Variants in LRRTM4 observed in about 807,000 individuals in gnomAD.
The protein encoded by LRRTM4 is leucine-rich repeat transmembrane neuronal protein 4.
LRRTM4 carries 25 observed loss-of-function variants against 47.6 expected under a neutral mutation model. The ratio of observed to expected loss-of-function variants is 0.53; its 90% confidence interval spans 0.38 to 0.73. LRRTM4 has a LOEUF of 0.73. Ranked by LOEUF, LRRTM4 falls within the 30% of genes least tolerant of loss-of-function variation. LRRTM4 has a pLI of 0.00. For missense variants in LRRTM4, 638 were observed against 713.4 expected (o/e 0.89, Z 1.20); for synonymous variants, 311 against 269.5 (o/e 1.15, Z -1.51).
chr2:76,774,897 T>G (rs1360448764), intron 3 of LRRTM4, among the ~76,000 whole-genome samples: 1 of 152,232 alleles, frequency 6.6e-6, no homozygotes, highest in Non-Finnish European at 1.5e-5. Context: ...GAAATCCTTT[T>G]GCCAGATTGT....
At chr2:77,406,383 G>GTGAT (rs1277460619) in intron 3 of LRRTM4, among the ~76,000 whole-genome samples, 1 of 152,036 alleles carries the variant, frequency 6.6e-6, no homozygotes, top group Non-Finnish European at 1.5e-5. Flanking sequence ...ATGCAGTGAT[G>GTGAT]TGATCATGGC....
intron 3 of LRRTM4, among the ~76,000 whole-genome samples, chr2:76,784,112 T>C (rs554628106): frequency 1.3e-5 from 2 of 152,248 alleles, no homozygotes; most frequent in East Asian, 1.9e-4. Context: ...ATTCATGATA[T>C]ATTAATATTT....
chr2:77,178,651 C>T (rs999904650), intron 3 of LRRTM4, among the ~76,000 whole-genome samples: 1 of 152,060 alleles, frequency 6.6e-6, no homozygotes, highest in Non-Finnish European at 1.5e-5. Flanking sequence ...TTCCCTATTT[C>T]ATATATTCTT....
At chr2:76,901,417 T>C (rs988910979) in intron 3 of LRRTM4, among the ~76,000 whole-genome samples, 2 of 152,206 alleles carry the variant, frequency 1.3e-5, no homozygotes, top group Non-Finnish European at 2.9e-5. Context: ...TTCCATGGTC[T>C]ATATGTACCA....
intron 3 of LRRTM4, among the ~76,000 whole-genome samples, chr2:76,802,680 G>C (rs904196010): frequency 6.6e-6 from 1 of 152,032 alleles, no homozygotes; most frequent in Non-Finnish European, 1.5e-5. Flanking sequence ...AACAAAGCTG[G>C]AGGTATCATA....
chr2:76,832,082 T>G (rs558839712), intron 3 of LRRTM4, among the ~76,000 whole-genome samples: 3 of 152,108 alleles, frequency 2.0e-5, no homozygotes, highest in Non-Finnish European at 4.4e-5. Flanking sequence ...AGTAATTTAA[T>G]GTAGGCTCCT....
Position 77,325,862 on chromosome 2 carries a change from A to G in LRRTM4, c.1551+192456T>C, listed in dbSNP as rs140192967. 4.2e-3 allele frequency among the ~76,000 whole-genome samples: 642 copies of G among 152,310 alleles called. 4 individuals carry two copies. Among genetic ancestry groups the G allele is most frequent in the South Asian group, 0.037 (180 of 4,822 alleles). On this transcript the variant is annotated intron_variant, in intron 3 of 3. Transcript: ENST00000409884. ...TAAACCATTCATAGTTTGCTTCTGAAGAGCTTCAGGACACATTATCCCAAA... is the reference window on the plus strand; with the variant it reads ...TAAACCATTCATAGTTTGCTTCTGAGGAGCTTCAGGACACATTATCCCAAA...
At chr2:77,027,467 C>G (rs1678494466) in intron 3 of LRRTM4, among the ~76,000 whole-genome samples, 1 of 152,130 alleles carries the variant, frequency 6.6e-6, no homozygotes, top group East Asian at 1.9e-4. Context: ...CTCCTAATCT[C>G]AATAGCCAGG....
chr2:76,798,553 GA>G (rs1675483460), intron 3 of LRRTM4, among the ~76,000 whole-genome samples: 1 of 150,184 alleles, frequency 6.7e-6, no homozygotes. Context: ...AGAAAAGCAA[GA>G]GCAAACACAT....
rs192020714 is a variant in LRRTM4, at chr2:76,977,784, T to G, written c.1552-228868A>C. 3.9e-5 allele frequency among the ~76,000 whole-genome samples: 6 copies of G among 152,092 alleles called. No individual in the cohort carries two copies. In the South Asian group the frequency reaches 1.2e-3, roughly 32 times the overall value. ...AGTCATAAAGGAACAATCTAAAGCA[T>G]AGGGAATGTAGATTTTTCGTTGTCG... is the stretch of plus-strand genomic sequence containing the variant. On this transcript the variant is annotated intron_variant, in intron 3 of 3. Transcript: ENST00000409884.
At chr2:76,827,021 G>A (rs1671208930) in intron 3 of LRRTM4, among the ~76,000 whole-genome samples, 1 of 151,866 alleles carries the variant, frequency 6.6e-6, no homozygotes, top group Non-Finnish European at 1.5e-5. Flanking sequence ...CTCGTGAAGA[G>A]AATGTGCTGA....
At chr2:77,511,463 A>C (rs62159468) in intron 3 of LRRTM4, among the ~76,000 whole-genome samples, 21,102 of 151,806 alleles carry the variant, frequency 0.14, 2,344 homozygotes, top group East Asian at 0.58. Context: ...AGTATATTTT[A>C]TTTCCATGTA....
intron 3 of LRRTM4, among the ~76,000 whole-genome samples, chr2:76,909,341 A>G (rs1289460964): frequency 6.6e-6 from 1 of 152,206 alleles, no homozygotes; most frequent in African/African-American, 2.4e-5. Flanking sequence ...ACAAAAATCA[A>G]TTCAAGATGG....
At chr2:77,080,375 C>T (rs1311826587) in intron 3 of LRRTM4, among the ~76,000 whole-genome samples, 1 of 152,152 alleles carries the variant, frequency 6.6e-6, no homozygotes, top group African/African-American at 2.4e-5. Flanking sequence ...TCTCACTGTA[C>T]ACATCCCATA....
At chr2:77,074,492 T>A (rs1435890980) in intron 3 of LRRTM4, among the ~76,000 whole-genome samples, 1 of 152,096 alleles carries the variant, frequency 6.6e-6, no homozygotes, top group African/African-American at 2.4e-5. Context: ...GAAGGCTGAA[T>A]ATTCAACACC....
intron 3 of LRRTM4, among the ~76,000 whole-genome samples, chr2:77,100,711 G>A (rs1670930122): frequency 6.6e-6 from 1 of 151,994 alleles, no homozygotes; most frequent in African/African-American, 2.4e-5. Flanking sequence ...ACTGGGTATT[G>A]GGTGATATTA....
intron 3 of LRRTM4, among the ~76,000 whole-genome samples, chr2:76,934,516 G>T (rs1369560349): frequency 6.6e-6 from 1 of 152,108 alleles, no homozygotes; most frequent in African/African-American, 2.4e-5. Context: ...TGGTGTGCTG[G>T]TAAATGTGTA....
chr2:77,169,991 T>A (rs1180217084), intron 3 of LRRTM4, among the ~76,000 whole-genome samples: 3 of 152,184 alleles, frequency 2.0e-5, no homozygotes, highest in African/African-American at 7.2e-5. Context: ...AAATTATCTG[T>A]GTGAATTCAT....
Position 76,918,019 on chromosome 2 carries a change from C to T in LRRTM4, c.1552-169103G>A, listed in dbSNP as rs188175604. Among the ~76,000 whole-genome samples, 31 of 152,262 alleles carry T rather than the reference C, an allele frequency of 2.0e-4. No individual in the cohort carries two copies. The East Asian group carries it at 4.4e-3, about 22-fold the overall frequency. On this transcript the variant is annotated intron_variant, in intron 3 of 3. Transcript: ENST00000409884. ...CAGGCAAAAATATGTCACCCTTCCC[C>T]TACTGGGGCAGGGAAAAGGGCTGAA...
Sources: gnomAD v4.1 joint callset for allele counts (sites outside exome capture counted in the v4.1 genomes callset) on GRCh38, gnomAD v4.1.1 for gene constraint, MANE v1.5 for transcripts, NCBI Gene and HGNC (gene_info 2026-07-23, HGNC 2026-07-21) for gene names.